The following TEX14 variants were observed in gnomAD, a reference collection of about 807,000 sequenced individuals.
The protein encoded by TEX14 is inactive serine/threonine-protein kinase TEX14.
A neutral mutation model predicts 178.6 loss-of-function variants in TEX14; 168 were observed. The ratio of observed to expected loss-of-function variants is 0.94; its 90% CI spans 0.83 to 1.07. TEX14 has a LOEUF of 1.07. Ranked by LOEUF, TEX14 falls within the 50% of genes least tolerant of loss-of-function variation. The pLI is 0.00. For missense variants in TEX14, 1,730 were observed against 1,753.6 expected, an observed-to-expected ratio of 0.99 and a Z score of 0.24; for synonymous variants, 626 against 634.1, an observed-to-expected ratio of 0.99 and a Z score of 0.19.
chr17:58,608,961 T>A (rs2045680695), intron 10 of TEX14, among the ~76,000 whole-genome samples: 1 of 152,186 alleles, frequency 6.6e-6, no homozygotes, highest in South Asian at 2.1e-4. Context: ...GGACTTAATC[T>A]TGCAGGCAAT....
In TEX14 at chr17:58,605,584, G is replaced by A. The variant is rs551601687; in HGVS notation, c.1185-455C>T. ...CCGGGCCCTCTCCACCACTTCATCT[G>A]GCAACTCTACTGCTCACCCACTCCA... On this transcript the variant is annotated intron_variant, in intron 10 of 31. Transcript: ENST00000349033. Among the ~76,000 whole-genome samples the A allele has an allele frequency of 1.2e-4, 19 of 152,256 alleles. No individual in the cohort carries two copies. In the South Asian group the frequency reaches 3.7e-3, roughly 30 times the overall value.
intron 2 of TEX14, among the ~76,000 whole-genome samples, chr17:58,648,430 T>A (rs949662776): frequency 3.9e-5 from 6 of 152,172 alleles, no homozygotes; most frequent in Admixed American, 3.3e-4. Context: ...CTTGTGCAAG[T>A]GTGACTAATT....
At chr17:58,578,406 G>A (rs957152744) in intron 20 of TEX14, among the ~76,000 whole-genome samples, 3 of 152,164 alleles carry the variant, frequency 2.0e-5, no homozygotes, top group African/African-American at 7.2e-5. Context: ...CTTGCTGAAG[G>A]TTATGCAGAA....
intron 1 of TEX14, among the ~76,000 whole-genome samples, chr17:58,653,061 C>T (rs560122524): frequency 5.3e-5 from 8 of 152,212 alleles, no homozygotes; most frequent in Non-Finnish European, 8.8e-5. Context: ...CTCAGCCTCC[C>T]GAGTAGTTGG....
chr17:58,652,612 G>A (rs755091393), intron 1 of TEX14, among the ~76,000 whole-genome samples: 21 of 152,232 alleles, frequency 1.4e-4, no homozygotes, highest in Middle Eastern at 6.8e-3. Flanking sequence ...TTTATTAGCA[G>A]CACAAGAACA....
chr17:58,657,476 A>G (rs1389613499), intron 1 of TEX14, among the ~76,000 whole-genome samples: 1 of 100,444 alleles, frequency 1.0e-5, no homozygotes, highest in Non-Finnish European at 2.0e-5. Flanking sequence ...GTATATTATA[A>G]TTTTGTCTGG....
chr17:58,644,634 C>G (rs1219027117), intron 2 of TEX14, among the ~76,000 whole-genome samples: 1 of 131,828 alleles, frequency 7.6e-6, no homozygotes, highest in African/African-American at 2.8e-5. Context: ...GCCACCGCAC[C>G]TGGCTTTTTT....
intron 1 of TEX14, among the ~76,000 whole-genome samples, chr17:58,688,108 T>C (rs1267387496): frequency 1.3e-5 from 2 of 152,104 alleles, no homozygotes; most frequent in Non-Finnish European, 2.9e-5. Context: ...CTTTTACAAT[T>C]ATAGACTTTT....
intron 28 of TEX14, among the ~76,000 whole-genome samples, chr17:58,563,799 TACACACACACAGAC>T (rs1353144370): frequency 2.8e-5 from 4 of 141,822 alleles, no homozygotes; most frequent in African/African-American, 1.0e-4. Context: ...TATATATGTA[TACACACACACAGAC>T]ACACACACAC....
chr17:58,608,572 T>C (rs2045670194), intron 10 of TEX14, among the ~76,000 whole-genome samples: 1 of 152,228 alleles, frequency 6.6e-6, no homozygotes, highest in Non-Finnish European at 1.5e-5. Context: ...CAAGATCTTG[T>C]CTCAAAAAAA....
intron 14 of TEX14, among the ~76,000 whole-genome samples, chr17:58,597,370 G>C (rs1212535740): frequency 1.3e-5 from 2 of 152,088 alleles, no homozygotes; most frequent in Admixed American, 1.3e-4. Flanking sequence ...CTGTACTCCG[G>C]CCTGGGCAAC....
chr17:58,623,714 C>G (rs969542258), intron 3 of TEX14, among the ~76,000 whole-genome samples: 1 of 139,436 alleles, frequency 7.2e-6, no homozygotes, highest in Non-Finnish European at 1.5e-5. Context: ...GAAAAAGAAA[C>G]ACAAATAGGA....
chr17:58,634,416 T>C (rs904558754), intron 2 of TEX14, among the ~76,000 whole-genome samples: 1 of 151,950 alleles, frequency 6.6e-6, no homozygotes, highest in Non-Finnish European at 1.5e-5. Context: ...CTGTCTCAAA[T>C]TAAAAAACAA....
At chr17:58,654,746 ATC>A (rs1299877219) in intron 1 of TEX14, among the ~76,000 whole-genome samples, 42 of 151,868 alleles carry the variant, frequency 2.8e-4, no homozygotes, top group Middle Eastern at 3.4e-3. Flanking sequence ...ACCTCAGGTG[ATC>A]TGCCCACCTT....
At chr17:58,680,547 G>A (rs2047483746) in intron 1 of TEX14, among the ~76,000 whole-genome samples, 1 of 152,074 alleles carries the variant, frequency 6.6e-6, no homozygotes, top group South Asian at 2.1e-4. Flanking sequence ...TTCGAGACCA[G>A]CCTGGCCAAC....
At chr17:58,588,886 G>A (rs1321405041) in intron 15 of TEX14, among the ~76,000 whole-genome samples, 2 of 152,034 alleles carry the variant, frequency 1.3e-5, no homozygotes, top group African/African-American at 4.8e-5. Context: ...ACAACATAGT[G>A]AAACTCTGTC....
chr17:58,656,424 A>T (rs2046962581), intron 1 of TEX14, among the ~76,000 whole-genome samples: 1 of 149,564 alleles, frequency 6.7e-6, no homozygotes, highest in Non-Finnish European at 1.5e-5. Context: ...CAGCCTGGGC[A>T]ACAGAGCAAG....
intron 3 of TEX14, among the ~76,000 whole-genome samples, chr17:58,629,991 G>A (rs1259358252): frequency 4.8e-4 from 71 of 147,276 alleles, no homozygotes; most frequent in African/African-American, 1.7e-3. Context: ...ACAGGCGTGA[G>A]CCACCATGCC....
chr17:58,576,439 A>G (rs1225688024), intron 21 of TEX14, among the ~76,000 whole-genome samples: 1 of 151,382 alleles, frequency 6.6e-6, no homozygotes, highest in African/African-American at 2.4e-5. Flanking sequence ...AGCTGAGATC[A>G]CGCCACTGCA....
Sources: allele counts gnomAD v4.1 joint callset (sites outside exome capture counted in the v4.1 genomes callset), GRCh38; gene constraint gnomAD v4.1.1; transcripts MANE v1.5; gene names NCBI Gene and HGNC (gene_info 2026-07-23, HGNC 2026-07-21).